The following TMEM184A variants were observed in gnomAD, a reference collection of about 807,000 sequenced individuals.
TMEM184A encodes the protein sexually dimorphic, expressed in male gonads 1.
Under a neutral mutation model 39.5 loss-of-function variants are expected in TMEM184A, and 40 were observed. The observed-to-expected ratio is 1.01, with a 90% CI of 0.79 to 1.32. The LOEUF (loss-of-function observed/expected upper bound fraction) is 1.32, where lower values mean the gene tolerates loss of function less well. TMEM184A is among the 40% of genes most tolerant of loss of function. TMEM184A has a pLI of 0.00. For missense variants in TMEM184A, 603 were observed against 568.8 expected, an observed-to-expected ratio of 1.06 and a Z score of -0.61; for synonymous variants, 280 against 252.3, an observed-to-expected ratio of 1.11 and a Z score of -1.04.
chr7:1,545,498 G>A lies in TMEM184A; in HGVS notation c.*1454C>T, dbSNP rs1231881641. 1 of 152,604 alleles carries A rather than the reference G, an allele frequency of 6.6e-6. No individual in the cohort carries two copies. The highest frequency in any genetic ancestry group is 1.5e-5 in the Non-Finnish European group (1 of 68,242). The allele number at this position is 152,604 out of a possible 1,614,324, so 9.5% of individuals were successfully genotyped here. ...GCACGGGTGGGAGCCGCGGTCCCGG[G>A]GTGGTGCCCACTGGAGCTTCCTGTC... On this transcript the variant is annotated 3_prime_UTR_variant, in exon 9 of 9. Transcript: ENST00000297477.
chr7:1,555,672 T>C lies in TMEM184A; in HGVS notation c.1-188A>G. ...TCCCTCCCTGCTCCGAGCTCAGCCATCGAAGCTCACCCATCAACCACCTGC... is the reference window on the plus strand; with the variant it reads ...TCCCTCCCTGCTCCGAGCTCAGCCACCGAAGCTCACCCATCAACCACCTGC... On this transcript the variant is annotated intron_variant, in intron 1 of 8. Transcript: ENST00000297477. The surrounding 1 kb of genome is among the most constrained non-coding windows in gnomAD (Gnocchi z 5.2). 1.6e-6 allele frequency: 1 copy of C among 635,858 alleles called. No homozygotes were observed. The allele number at this position is 635,858 out of a possible 1,614,324, so 39.4% of individuals were successfully genotyped here.
At position 1,548,499 on chromosome 7, in the gene TMEM184A, G is replaced by T. The variant is rs751076956; in HGVS notation, c.814+20C>A. 4 of 1,602,214 alleles carry T rather than the reference G, an allele frequency of 2.5e-6. No homozygotes were observed. In the South Asian group the frequency reaches 4.5e-5, roughly 18 times the overall value. ...CAGCCCCCACCTCGGTAGCACCCCT[G>T]CCCCACCTGCCCCACACACCTTGCC... On this transcript the variant is annotated intron_variant, in intron 7 of 8. Transcript: ENST00000297477.
intron 6 of TMEM184A, 126 bp from the exon 7 acceptor site, chr7:1,548,814 G>T: frequency 8.7e-7 from 1 of 1,147,890 alleles, no homozygotes; most frequent in Non-Finnish European, 1.3e-6. Flanking sequence ...GGCCCTGCAG[G>T]GATCCTGCCC....
chr7:1,552,138 T>C (rs1327203777), intron 2 of TMEM184A, among the ~76,000 whole-genome samples: 1 of 151,970 alleles, frequency 6.6e-6, no homozygotes, highest in African/African-American at 2.4e-5. Flanking sequence ...CCACCTTGCC[T>C]GGCTAATTTT....
intron 2 of TMEM184A, among the ~76,000 whole-genome samples, chr7:1,551,932 TTC>T (rs1409794461): frequency 1.3e-5 from 2 of 150,770 alleles, no homozygotes; most frequent in Non-Finnish European, 1.5e-5. Context: ...GCGAGACCCT[TTC>T]TCAAAAAAAA....
chr7:1,546,935 TG>T lies in TMEM184A; in HGVS notation c.*16del. The T allele has an allele frequency of 6.6e-7, 1 of 1,510,666 alleles. No homozygotes were observed. Among genetic ancestry groups the T allele is most frequent in the South Asian group, 1.3e-5 (1 of 78,922 alleles). 93.6% of individuals were successfully genotyped at this position (1,510,666 alleles called of 1,614,324 possible). A position where few individuals can be genotyped will look rare whatever the true frequency, so the allele number is the denominator to read the frequency against. On this transcript the variant is annotated 3_prime_UTR_variant, in exon 9 of 9. Transcript: ENST00000297477. ...TGGGCAGCCTGGGTCCCTACAGCAC[TG>T]GCAGCCCAGGCCCCCCTACAGGTCC...
intron 2 of TMEM184A, among the ~76,000 whole-genome samples, chr7:1,552,998 T>G (rs1425184912): frequency 6.6e-6 from 1 of 152,096 alleles, no homozygotes; most frequent in East Asian, 1.9e-4. Flanking sequence ...GAGGCTGCAG[T>G]GAGCACTGAT....
rs986216606 is a variant in TMEM184A, at chr7:1,545,154, C to T, written c.*1798G>A. 3.0e-4 allele frequency: 46 copies of T among 152,338 alleles called. 1 individual carries two copies. The highest frequency in any genetic ancestry group is 1.0e-3 in the African/African-American group (43 of 41,564). The allele number at this position is 152,338 out of a possible 1,614,324, so 9.4% of individuals were successfully genotyped here. A position where few individuals can be genotyped will look rare whatever the true frequency, so the allele number is the denominator to read the frequency against. ...CCCCCAGCCTCCAGAAACTGCCCCT[C>T]GGCAGCAGGTCCCTGGGGACCTGCT... On this transcript the variant is annotated 3_prime_UTR_variant, in exon 9 of 9. Coordinates refer to ENST00000297477, the MANE Select transcript of TMEM184A (RefSeq NM_001097620.2).
intron 2 of TMEM184A, among the ~76,000 whole-genome samples, chr7:1,554,508 C>G (rs148171444): frequency 1.3e-5 from 2 of 152,212 alleles, no homozygotes; most frequent in Admixed American, 6.5e-5. Flanking sequence ...CGGGCCTACA[C>G]ACGCACTCCC....
chr7:1,546,923 T>G lies in TMEM184A; in HGVS notation c.*29A>C. On this transcript the variant is annotated 3_prime_UTR_variant, in exon 9 of 9. Coordinates refer to ENST00000297477, the MANE Select transcript of TMEM184A (RefSeq NM_001097620.2). ...TCCCCAGAGGCCTGGGCAGCCTGGG[T>G]CCCTACAGCACTGGCAGCCCAGGCC... 1 of 1,439,960 alleles carries G rather than the reference T, an allele frequency of 6.9e-7. No homozygotes were observed. The highest frequency in any genetic ancestry group is 9.2e-7 in the Non-Finnish European group (1 of 1,083,412). The allele number at this position is 1,439,960 out of a possible 1,614,324, so 89.2% of individuals were successfully genotyped here.
rs1330197949 is a variant in TMEM184A, at chr7:1,544,180, G to C, written c.*2772C>G. Reference sequence around the variant, plus strand: ...CTCTGGGCCCAGCCTGCTCCTCCTGGGGGAGCCGACGGGTGTGAGTTGGGG... The same window carrying C: ...CTCTGGGCCCAGCCTGCTCCTCCTGCGGGAGCCGACGGGTGTGAGTTGGGG... On this transcript the variant is annotated 3_prime_UTR_variant, in exon 9 of 9. Transcript: ENST00000297477. 1 of 152,164 alleles carries C rather than the reference G, an allele frequency of 6.6e-6. No homozygotes were observed. The highest frequency in any genetic ancestry group is 1.5e-5 in the Non-Finnish European group (1 of 68,042). The allele number at this position is 152,164 out of a possible 1,614,324, so 9.4% of individuals were successfully genotyped here.
At position 1,555,215 on chromosome 7, in the gene TMEM184A, G is replaced by A. The variant is rs556496143; in HGVS notation, c.219+51C>T. The A allele has an allele frequency of 6.5e-5, 96 of 1,480,932 alleles. No individual in the cohort carries two copies. Among genetic ancestry groups the A allele is most frequent in the East Asian group, 2.3e-4 (10 of 42,900 alleles). 91.7% of individuals were successfully genotyped at this position (1,480,932 alleles called of 1,614,324 possible). On this transcript the variant is annotated intron_variant, in intron 2 of 8. Transcript: ENST00000297477. This position sits in a 1 kb window ranked among gnomAD's most constrained non-coding sequence, Gnocchi z 5.2. ...GGGGACCGGGCTGAGCCACGGCCAC[G>A]TCCTGTGGAGACCAAGGTCCTGAAG...
rs5881901 is a variant in TMEM184A at position 1,552,508 on chromosome 7, GTT to G, written c.220-1528_220-1527del. On this transcript the variant is annotated intron_variant, in intron 2 of 8. Coordinates refer to ENST00000297477, the MANE Select transcript of TMEM184A (RefSeq NM_001097620.2). ...TAACAGTCACCATGTTGTACAATAG[GTT>G]TTTTTTTTTTTTTTTTCTGAATAAG... 1.9e-3 allele frequency among the ~76,000 whole-genome samples: 252 copies of G among 135,648 alleles called. 1 individual carries two copies. Among genetic ancestry groups the G allele is most frequent in the African/African-American group, 5.6e-3 (202 of 36,040 alleles). 89.0% of individuals were successfully genotyped at this position (135,648 alleles called of 152,430 possible). A position where few individuals can be genotyped will look rare whatever the true frequency, so the allele number is the denominator to read the frequency against.
intron 2 of TMEM184A, among the ~76,000 whole-genome samples, chr7:1,554,421 C>G (rs1286013251): frequency 1.3e-5 from 2 of 152,200 alleles, no homozygotes; most frequent in African/African-American, 2.4e-5. Flanking sequence ...TCCTGGGCTC[C>G]CAGCACCCCC....
rs1784242855 is a variant in TMEM184A at position 1,543,129 on chromosome 7, C to T, written c.*3823G>A. 1 of 152,218 alleles carries T rather than the reference C, an allele frequency of 6.6e-6. No homozygotes were observed. The highest frequency in any genetic ancestry group is 1.5e-5 in the Non-Finnish European group (1 of 67,980). 9.4% of individuals were successfully genotyped at this position (152,218 alleles called of 1,614,324 possible). A position where few individuals can be genotyped will look rare whatever the true frequency, so the allele number is the denominator to read the frequency against. ...CCCCCCCAATCCCAGGGGACCCTGC[C>T]TGTCCCTCACCGGGGTCAGGATCCG... On this transcript the variant is annotated 3_prime_UTR_variant, in exon 9 of 9. Coordinates refer to ENST00000297477, the MANE Select transcript of TMEM184A (RefSeq NM_001097620.2).
intron 6 of TMEM184A, chr7:1,549,163 AGT>A (rs755780785): frequency 1.3e-5 from 6 of 459,550 alleles, no homozygotes; most frequent in Non-Finnish European, 2.2e-5. Context: ...CGTGCATGTG[AGT>A]GTACATACAT....
intron 2 of TMEM184A, 68 bp from the exon 3 acceptor site, chr7:1,551,050 G>A (rs1229227129): frequency 1.9e-5 from 28 of 1,512,836 alleles, no homozygotes; most frequent in South Asian, 1.1e-4. Flanking sequence ...CAGGTGAGCC[G>A]GGAAGGAGGT....
At position 1,555,373 on chromosome 7, in the gene TMEM184A, T is replaced by C. The variant is rs1486387061; in HGVS notation, c.112A>G (p.Met38Val). 6.2e-7 allele frequency: 1 copy of C among 1,611,416 alleles called. No homozygotes were observed. The highest frequency in any genetic ancestry group is 1.3e-5 in the African/African-American group (1 of 74,706). The change falls in exon 2 of 9, where the codon ATG becomes GTG. Residue 38 changes from methionine (M) to valine (V), a missense_variant. Met to Val is a conservative substitution (Grantham distance 21, BLOSUM62 1). Transcript: ENST00000297477. The surrounding 1 kb of genome is among the most constrained non-coding windows in gnomAD (Gnocchi z 5.2). ...AVPAGPQMDH[M>V]GNSSQGAPWL... ...GGGGCCCCCTGGGAGCTGTTCCCCA[T>C]GTGGTCCATCTGCGGCCCAGCTGGC...
chr7:1,550,816 C>T lies in TMEM184A; in HGVS notation c.385+1G>A. ...CCGACCTGACGCAGCCTGGCGCCCACCTTCGTAGCAGTCCCGCACAGAGTC... is the reference window on the plus strand; with the variant it reads ...CCGACCTGACGCAGCCTGGCGCCCATCTTCGTAGCAGTCCCGCACAGAGTC... On this transcript the variant is annotated splice_donor_variant, in intron 3 of 8. Coordinates refer to ENST00000297477, the MANE Select transcript of TMEM184A (RefSeq NM_001097620.2). LOFTEE classifies it high-confidence loss of function. 6.2e-7 allele frequency: 1 copy of T among 1,612,678 alleles called. No homozygotes were observed. Among genetic ancestry groups the T allele is most frequent in the Admixed American group, 1.7e-5 (1 of 60,012 alleles).
Sources: gnomAD v4.1 joint callset for allele counts (sites outside exome capture counted in the v4.1 genomes callset) on GRCh38, gnomAD v4.1.1 for gene constraint, Gnocchi (gnomAD v3.1) non-coding constraint, MANE v1.5 for transcripts, NCBI Gene and HGNC (gene_info 2026-07-23, HGNC 2026-07-21) for gene names.